Variants in ELK3 observed in about 807,000 individuals in gnomAD.
ELK3 encodes ETS transcription factor ELK3.
ELK3 carries 10 observed loss-of-function variants against 28.9 expected under a neutral mutation model. The observed-to-expected ratio is 0.35, with a 90% CI of 0.21 to 0.59. ELK3 has a LOEUF of 0.59. Among genes scored for constraint, ELK3 ranks in the 20% least tolerant of loss-of-function variants. The pLI is 0.82. For synonymous variants in ELK3, 272 were observed against 243.5 expected (o/e 1.12, Z -1.09); for missense variants, 463 against 517.3 (o/e 0.90, Z 1.02).
chr12:96,223,532 C>A, intron 1 of ELK3, 33 bp from the exon 2 acceptor site: 3 of 1,610,208 alleles, frequency 1.9e-6, no homozygotes, highest in Non-Finnish European at 1.7e-6. Context: ...GCATCGTGAC[C>A]AGCAGCTCTG....
rs1023768516 is a variant in ELK3, at chr12:96,194,387, G to A, written c.-321G>A. 6.8e-6 allele frequency: 1 copy of A among 146,448 alleles called. No individual in the cohort carries two copies. The highest frequency in any genetic ancestry group is 1.5e-5 in the Non-Finnish European group (1 of 65,874). The allele number at this position is 146,448 out of a possible 1,614,324, so 9.1% of individuals were successfully genotyped here. A position where few individuals can be genotyped will look rare whatever the true frequency, so the allele number is the denominator to read the frequency against. ...CGGCGGGGGAGGCGCGGGCCTGGGC[G>A]GCCAGCCCCGGCGCACAGCCGCGGC... On this transcript the variant is annotated 5_prime_UTR_variant, in exon 1 of 5. Transcript: ENST00000228741.
chr12:96,222,225 A>C (rs1254302212), intron 1 of ELK3, among the ~76,000 whole-genome samples: 10 of 152,180 alleles, frequency 6.6e-5, no homozygotes. Flanking sequence ...AAAGGCCTGA[A>C]ATTGAGAAAC....
chr12:96,197,364 GA>G (rs2136996262), intron 1 of ELK3, among the ~76,000 whole-genome samples: 1 of 152,186 alleles, frequency 6.6e-6, no homozygotes, highest in South Asian at 2.1e-4. Context: ...GCACAAGAAA[GA>G]ATTTTTTTTG....
At chr12:96,241,417 G>A (rs1274035276) in intron 2 of ELK3, among the ~76,000 whole-genome samples, 1 of 139,332 alleles carries the variant, frequency 7.2e-6, no homozygotes, top group Non-Finnish European at 1.6e-5. Flanking sequence ...AAAGGGCACA[G>A]TGGAGCGTTT....
chr12:96,219,480 AGT>A lies in ELK3; in HGVS notation c.-2-4081_-2-4080del, dbSNP rs1380786735. Among the ~76,000 whole-genome samples, 4 of 152,186 alleles carry A rather than the reference AGT, an allele frequency of 2.6e-5. No individual in the cohort carries two copies. In the East Asian group the frequency reaches 7.7e-4, roughly 29 times the overall value. ...CTGGCAGAGGCGCAGTGGAATGTAC[AGT>A]GTGATTGTATGTGAAAATAGTTGTG... On this transcript the variant is annotated intron_variant, in intron 1 of 4. Transcript: ENST00000228741.
At chr12:96,250,789 C>T (rs1951899209) in intron 3 of ELK3, among the ~76,000 whole-genome samples, 1 of 152,134 alleles carries the variant, frequency 6.6e-6, no homozygotes, top group Admixed American at 6.5e-5. Flanking sequence ...TGTGGGCTGT[C>T]AGCTTTGCTT....
chr12:96,240,381 G>C (rs1371298373), intron 2 of ELK3, among the ~76,000 whole-genome samples: 2 of 152,186 alleles, frequency 1.3e-5, no homozygotes, highest in African/African-American at 4.8e-5. Context: ...TATATGTTAT[G>C]GGGCTTGTCA....
chr12:96,251,942 A>G (rs1332901304), intron 3 of ELK3, among the ~76,000 whole-genome samples: 1 of 152,270 alleles, frequency 6.6e-6, no homozygotes, highest in Non-Finnish European at 1.5e-5. Context: ...TGGCTACGTC[A>G]AACAGCTTCA....
chr12:96,233,593 A>C lies in ELK3; in HGVS notation c.207+9820A>C, dbSNP rs958007299. On this transcript the variant is annotated intron_variant, in intron 2 of 4. Coordinates refer to ENST00000228741, the MANE Select transcript of ELK3 (RefSeq NM_005230.4). ...TAATTCATTTTAAATTGGGCGTGCA[A>C]TCACGACAAGAAAATGTTAGTATTA... 3.9e-5 allele frequency among the ~76,000 whole-genome samples: 6 copies of C among 152,238 alleles called. No homozygotes were observed. The South Asian group carries it at 1.0e-3, about 26-fold the overall frequency.
At chr12:96,261,216 T>G (rs1229831839) in intron 4 of ELK3, among the ~76,000 whole-genome samples, 1 of 152,174 alleles carries the variant, frequency 6.6e-6, no homozygotes, top group Admixed American at 6.5e-5. Context: ...CCATCTTGCT[T>G]CTTTGGTTTC....
rs1375357998 is a variant in ELK3 at position 96,268,754 on chromosome 12, T to C, written c.*1574T>C. ...TTTCTTGAATTTTCAGAAAAAAATC[T>C]AGACTATTGCTTTGACACTTAGAAA... On this transcript the variant is annotated 3_prime_UTR_variant, in exon 5 of 5. Coordinates refer to ENST00000228741, the MANE Select transcript of ELK3 (RefSeq NM_005230.4). 6.6e-6 allele frequency: 1 copy of C among 152,240 alleles called. No homozygotes were observed. The highest frequency in any genetic ancestry group is 2.4e-5 in the African/African-American group (1 of 41,462). 9.4% of individuals were successfully genotyped at this position (152,240 alleles called of 1,614,324 possible).
chr12:96,201,839 C>T lies in ELK3; in HGVS notation c.-3+7134C>T, dbSNP rs573029805. On this transcript the variant is annotated intron_variant, in intron 1 of 4. Coordinates refer to ENST00000228741, the MANE Select transcript of ELK3 (RefSeq NM_005230.4). ...GTTTCCCCTTGAATTCCATTTTGGC[C>T]CCTTATTGAATAAGGAACACTCCAG... Among the ~76,000 whole-genome samples the T allele has an allele frequency of 1.8e-4, 27 of 152,220 alleles. No individual in the cohort carries two copies. The South Asian group carries it at 5.6e-3, about 32-fold the overall frequency.
At chr12:96,217,159 G>A (rs1374444373) in intron 1 of ELK3, among the ~76,000 whole-genome samples, 1 of 152,256 alleles carries the variant, frequency 6.6e-6, no homozygotes, top group Non-Finnish European at 1.5e-5. Flanking sequence ...CTAGAGATGG[G>A]AGGATTGTTT....
rs1458920836 is a variant in ELK3 at position 96,247,394 on chromosome 12, A to G, written c.662A>G (p.Lys221Arg). Residue 221 changes from lysine to arginine, a missense_variant, in exon 3 of 5, where the codon AAG (lysine) becomes AGG (arginine). Lys to Arg is a conservative substitution (Grantham distance 26). Coordinates refer to ENST00000228741, the MANE Select transcript of ELK3 (RefSeq NM_005230.4). This position sits in a 1 kb window ranked among gnomAD's most constrained non-coding sequence, Gnocchi z 5.5. ...TTCCTGGCCTCGTCCGTCTCGGCCA[A>G]GATCTCCTCTTTAATGTTGCCAAAC... ...SAFLASSVSA[K>R]ISSLMLPNAA... 6.2e-7 allele frequency: 1 copy of G among 1,614,108 alleles called. No homozygotes were observed. Among genetic ancestry groups the G allele is most frequent in the South Asian group, 1.1e-5 (1 of 91,082 alleles).
rs754643863 is a variant in ELK3, at chr12:96,223,653, C to T, written c.87C>T (p.Asn29=). Residue 29 remains asparagine, a synonymous_variant, in exon 2 of 5, where the codon AAC becomes AAT. Transcript: ENST00000228741. The part of the protein sequence containing the change: ...KHEHLICWTS[N]DGEFKLLKAE... ...AGCATTTGATCTGCTGGACCTCGAA[C>T]GATGGTGAATTCAAGCTCCTCAAAG... The T allele has an allele frequency of 2.7e-5, 44 of 1,613,972 alleles. No homozygotes were observed. Among genetic ancestry groups the T allele is most frequent in the Non-Finnish European group, 3.6e-5 (42 of 1,180,048 alleles).
intron 2 of ELK3, among the ~76,000 whole-genome samples, chr12:96,227,102 G>C (rs991144706): frequency 1.3e-5 from 2 of 152,154 alleles, no homozygotes; most frequent in African/African-American, 4.8e-5. Context: ...ACAGATTGGA[G>C]CAGAGTCTTT....
At chr12:96,238,053 G>A (rs1216402109) in intron 2 of ELK3, among the ~76,000 whole-genome samples, 1 of 152,146 alleles carries the variant, frequency 6.6e-6, no homozygotes, top group Non-Finnish European at 1.5e-5. Context: ...CTGTGAAGTG[G>A]GTATCAAAGC....
intron 3 of ELK3, among the ~76,000 whole-genome samples, chr12:96,254,100 G>A (rs911619452): frequency 1.3e-5 from 2 of 152,300 alleles, no homozygotes; most frequent in Middle Eastern, 3.4e-3. Context: ...CCAAGGGGGC[G>A]GATAGCTTGA....
intron 1 of ELK3, chr12:96,213,792 C>G (rs1428052321): frequency 6.6e-6 from 1 of 151,824 alleles, no homozygotes; most frequent in African/African-American, 2.4e-5. Flanking sequence ...GTGATGTGAT[C>G]ACAGCTCACT....
Sources: allele counts gnomAD v4.1 joint callset (sites outside exome capture counted in the v4.1 genomes callset), GRCh38; gene constraint gnomAD v4.1.1; non-coding constraint Gnocchi (gnomAD v3.1); transcripts MANE v1.5; gene names NCBI Gene and HGNC (gene_info 2026-07-23, HGNC 2026-07-21).